Variants in CPAMD8 observed in about 807,000 individuals in gnomAD.
CPAMD8 encodes the protein C3 and PZP like alpha-2-macroglobulin domain containing 8.
A neutral mutation model predicts 224.7 loss-of-function variants in CPAMD8; 146 were observed. The observed-to-expected ratio is 0.65, with a 90% confidence interval of 0.57 to 0.75. The LOEUF is 0.75. CPAMD8 is among the 30% of genes least tolerant of loss of function. The pLI is 0.00. For missense variants in CPAMD8, 2,301 were observed against 2,537.5 expected, an observed-to-expected ratio of 0.91 and a Z score of 2.00; for synonymous variants, 966 against 1,044.6, an observed-to-expected ratio of 0.92 and a Z score of 1.45.
intron 10 of CPAMD8, among the ~76,000 whole-genome samples, chr19:16,998,296 C>T: frequency 6.6e-6 from 1 of 152,064 alleles, no homozygotes; most frequent in East Asian, 1.9e-4. Flanking sequence ...CCTGTCTCTA[C>T]TAAAAATACA....
chr19:16,957,879 T>C lies in CPAMD8; in HGVS notation c.2250A>G (p.Thr750=). The C allele has an allele frequency of 6.2e-7, 1 of 1,614,132 alleles. No individual in the cohort carries two copies. The highest frequency in any genetic ancestry group is 8.5e-7 in the Non-Finnish European group (1 of 1,180,022). The change falls in exon 19 of 42, where the codon ACA becomes ACG. Residue 750 remains threonine, a synonymous_variant. Transcript: ENST00000443236. ...EKRKRTFFPE[T]WIWHCLNISD... The stretch of plus-strand genomic sequence containing the variant: ...TGATGTTGAGACAATGCCAAATCCA[T>C]GTTTCGGGGAAGAAAGTCCTTTTTC...
intron 7 of CPAMD8, among the ~76,000 whole-genome samples, 199 bp from the exon 8 acceptor site, chr19:17,004,585 G>C (rs906306567): frequency 4.6e-5 from 7 of 152,040 alleles, no homozygotes; most frequent in African/African-American, 1.7e-4. Flanking sequence ...TGACACCCCG[G>C]CGGGCTTCGA....
intron 16 of CPAMD8, 133 bp from the exon 17 acceptor site, chr19:16,975,391 G>A: frequency 1.4e-6 from 1 of 690,940 alleles, no homozygotes. Flanking sequence ...ATGGGCACTG[G>A]TAGCATCAGC....
At chr19:16,989,984 A>T (rs550929470) in intron 12 of CPAMD8, among the ~76,000 whole-genome samples, 89 of 152,180 alleles carry the variant, frequency 5.8e-4, no homozygotes, top group African/African-American at 2.0e-3. Flanking sequence ...GGGCACAGTG[A>T]CTCACACCTG....
At position 17,015,460 on chromosome 19, in the gene CPAMD8, A is replaced by T. The variant is rs368101047; in HGVS notation, c.268-3703T>A. ...GTGGGTGAGGTCGGGGTGCACTAGG[A>T]CCCCCGCTCTCTGAAGCCACACGGG... On this transcript the variant is annotated intron_variant, in intron 3 of 41. Transcript: ENST00000443236. 4.6e-5 allele frequency among the ~76,000 whole-genome samples: 7 copies of T among 151,462 alleles called. No individual in the cohort carries two copies. In the East Asian group the frequency reaches 1.2e-3, roughly 25 times the overall value.
chr19:16,944,573 C>T (rs1185437664), intron 22 of CPAMD8, among the ~76,000 whole-genome samples: 2 of 152,104 alleles, frequency 1.3e-5, no homozygotes, highest in Non-Finnish European at 2.9e-5. Flanking sequence ...GGGAGGATGC[C>T]CTGGCTGGGC....
At chr19:16,893,434 G>C in intron 41 of CPAMD8, 95 bp from the exon 42 acceptor site, 1 of 868,032 alleles carries the variant, frequency 1.2e-6, no homozygotes, top group Non-Finnish European at 1.7e-6. Context: ...CGCTTGTAGG[G>C]TGCCAGGGGT....
intron 13 of CPAMD8, among the ~76,000 whole-genome samples, chr19:16,988,108 A>G (rs1028216906): frequency 2.0e-5 from 3 of 152,234 alleles, no homozygotes; most frequent in Non-Finnish European, 4.4e-5. Context: ...TGAATGGCAG[A>G]CACGGCTCTA....
chr19:16,894,471 C>T (rs751996496), intron 41 of CPAMD8: 15 of 456,512 alleles, frequency 3.3e-5, no homozygotes, highest in Admixed American at 4.7e-5. Context: ...CCTATGGGGC[C>T]GCCAGGACTT....
Position 16,943,080 on chromosome 19 carries a change from T to C in CPAMD8, c.2793+2469A>G, listed in dbSNP as rs557454780. On this transcript the variant is annotated intron_variant, in intron 22 of 41. Transcript: ENST00000443236. ...TAGAGTGCAGTGTTGCAAGAGTCCC[T>C]CTGTTGCTTACTGTAACTCTCACCT... Among the ~76,000 whole-genome samples the C allele has an allele frequency of 6.0e-5, 9 of 149,642 alleles. No homozygotes were observed. The South Asian group carries it at 1.7e-3, about 28-fold the overall frequency.
chr19:16,953,579 T>C (rs1210526075), intron 19 of CPAMD8, among the ~76,000 whole-genome samples: 2 of 149,744 alleles, frequency 1.3e-5, no homozygotes, highest in Non-Finnish European at 2.9e-5. Context: ...TGTGTACCTG[T>C]AGACCCAGCT....
At position 17,011,668 on chromosome 19, in the gene CPAMD8, G is replaced by C; in HGVS notation, c.357C>G (p.Thr119=). ...AEEGPLFHNQ[T]SVTVDGRGAS... is the part of the protein sequence containing the mutation. ...CGCCCCGGCCGTCCACGGTCACCGA[G>C]GTCTGGTTGTGAAAGAGGGGCCCCT... The change falls in exon 4 of 42, where the codon ACC becomes ACG. Residue 119 remains threonine, a synonymous_variant. Coordinates refer to ENST00000443236, the MANE Select transcript of CPAMD8 (RefSeq NM_015692.5). The C allele has an allele frequency of 6.2e-7, 1 of 1,614,082 alleles. No individual in the cohort carries two copies. The highest frequency in any genetic ancestry group is 8.5e-7 in the Non-Finnish European group (1 of 1,180,012).
intron 23 of CPAMD8, among the ~76,000 whole-genome samples, chr19:16,930,514 A>G (rs1281586107): frequency 6.6e-6 from 1 of 152,174 alleles, no homozygotes; most frequent in Non-Finnish European, 1.5e-5. Flanking sequence ...GTGACAAGAA[A>G]CACCTAAAGC....
In CPAMD8 at chr19:17,000,379, T is replaced by C. The variant is rs2056270498; in HGVS notation, c.867+35A>G. The C allele has an allele frequency of 5.0e-6, 4 of 807,426 alleles. No individual in the cohort carries two copies. In the East Asian group the frequency reaches 9.8e-5, roughly 20 times the overall value. The allele number at this position is 807,426 out of a possible 1,614,324, so 50.0% of individuals were successfully genotyped here. A position where few individuals can be genotyped will look rare whatever the true frequency, so the allele number is the denominator to read the frequency against. Reference sequence around the variant, plus strand: ...TGCTGGTGGAGGTGAACCTGGGGGTTGGGTCAGGGGGTAGAAGGGGTCCCT... The same window carrying C: ...TGCTGGTGGAGGTGAACCTGGGGGTCGGGTCAGGGGGTAGAAGGGGTCCCT... On this transcript the variant is annotated intron_variant, in intron 10 of 41. Coordinates refer to ENST00000443236, the MANE Select transcript of CPAMD8 (RefSeq NM_015692.5).
intron 19 of CPAMD8, among the ~76,000 whole-genome samples, chr19:16,955,906 G>C (rs1304408824): frequency 1.3e-5 from 2 of 151,690 alleles, no homozygotes; most frequent in Non-Finnish European, 2.9e-5. Context: ...TGAACTCCTG[G>C]GCTCAAGCAA....
intron 35 of CPAMD8, among the ~76,000 whole-genome samples, chr19:16,901,862 A>G (rs1027894292): frequency 5.3e-5 from 8 of 152,152 alleles, no homozygotes; most frequent in African/African-American, 1.9e-4. Context: ...GAGTGCACCA[A>G]GCTGGACTCT....
In CPAMD8 at chr19:17,009,626, T is replaced by C. The variant is rs562891158; in HGVS notation, c.487-306A>G. The C allele has an allele frequency of 5.8e-4, 136 of 234,156 alleles. No individual in the cohort carries two copies. In the Middle Eastern group the frequency reaches 8.4e-3, roughly 14 times the overall value. 14.5% of individuals were successfully genotyped at this position (234,156 alleles called of 1,614,324 possible). ...CGTCTCTACAAAAAATAGAAAAAAT[T>C]AGCCGGGCATGGTCGTGGGTGCCTG... On this transcript the variant is annotated intron_variant, in intron 5 of 41. Coordinates refer to ENST00000443236, the MANE Select transcript of CPAMD8 (RefSeq NM_015692.5).
rs534804631 is a variant in CPAMD8 at position 16,896,097 on chromosome 19, CG to C, written c.5426+78del. On this transcript the variant is annotated intron_variant, in intron 41 of 41. Coordinates refer to ENST00000443236, the MANE Select transcript of CPAMD8 (RefSeq NM_015692.5). ...GGGCGGAGGAGTCGGGGCAGGTCGTCGGGGGAGGTTGGTAGGGGAGGGAGGT... is the reference window on the plus strand; with the variant it reads ...GGGCGGAGGAGTCGGGGCAGGTCGTCGGGGAGGTTGGTAGGGGAGGGAGGT... 281 of 1,221,578 alleles carry C rather than the reference CG, an allele frequency of 2.3e-4. 1 individual carries two copies. In the African/African-American group the frequency reaches 5.4e-3, roughly 24 times the overall value. 75.7% of individuals were successfully genotyped at this position (1,221,578 alleles called of 1,614,324 possible). A position where few individuals can be genotyped will look rare whatever the true frequency, so the allele number is the denominator to read the frequency against.
In CPAMD8 at chr19:16,929,175, T is replaced by A. The variant is rs755592983; in HGVS notation, c.2911A>T (p.Thr971Ser). 3.7e-5 allele frequency: 60 copies of A among 1,613,698 alleles called. No homozygotes were observed. The highest frequency in any genetic ancestry group is 4.7e-5 in the Non-Finnish European group (55 of 1,179,946). Residue 971 changes from threonine to serine, a missense_variant, in exon 24 of 42, where the codon ACC becomes TCC. Transcript: ENST00000443236. The part of the protein sequence containing the change: ...FQYVQRPLRL[T>S]RFDVAVRAHN... Reference sequence around the variant, plus strand: ...GCTCGCACAGCCACATCAAAGCGGGTGAGGCGCAGTGGCCGCTGCACATAC... The same window carrying A: ...GCTCGCACAGCCACATCAAAGCGGGAGAGGCGCAGTGGCCGCTGCACATAC...
Sources: allele counts gnomAD v4.1 joint callset (sites outside exome capture counted in the v4.1 genomes callset), GRCh38; gene constraint gnomAD v4.1.1; transcripts MANE v1.5; gene names NCBI Gene and HGNC (gene_info 2026-07-23, HGNC 2026-07-21).